Variants in RHBDD1 observed in about 807,000 individuals in gnomAD.
RHBDD1 encodes the protein rhomboid domain containing 1, also known as rhomboid-related protein 4.
In RHBDD1, 38 loss-of-function variants were observed where a neutral mutation model predicts 36.3. That is an observed-to-expected ratio of 1.05 (90% CI 0.81 to 1.37). RHBDD1 has a LOEUF of 1.37. RHBDD1 is among the 40% of genes most tolerant of loss of function. The pLI, the probability that RHBDD1 is intolerant of heterozygous loss-of-function variation, is 0.00. For missense variants in RHBDD1, 393 were observed against 377.6 expected (o/e 1.04, Z -0.34); for synonymous variants, 151 against 136.5 (o/e 1.11, Z -0.74).
chr2:226,869,334 A>G, intron 5 of RHBDD1: 1 of 252,382 alleles, frequency 4.0e-6, no homozygotes, highest in Non-Finnish European at 6.3e-6. Flanking sequence ...CTACTTACAC[A>G]TGTATCCAAA....
intron 8 of RHBDD1, among the ~76,000 whole-genome samples, chr2:226,947,862 A>G (rs1327180394): frequency 1.3e-5 from 2 of 152,214 alleles, no homozygotes; most frequent in African/African-American, 2.4e-5. Flanking sequence ...CAAAACCACT[A>G]TGAGATACCA....
the RHBDD1 span, among the ~76,000 whole-genome samples, chr2:226,800,381 A>T: frequency 1.4e-4 from 21 of 152,218 alleles, no homozygotes; most frequent in South Asian, 3.1e-3. Flanking sequence ...CCACCTTGGG[A>T]TCCCCAGATT....
intron 8 of RHBDD1, among the ~76,000 whole-genome samples, chr2:226,930,955 A>G (rs775191903): frequency 2.0e-5 from 3 of 151,874 alleles, no homozygotes; most frequent in Non-Finnish European, 4.4e-5. Context: ...CCTTACCCCA[A>G]CTGGAGTGGC....
intron 5 of RHBDD1, among the ~76,000 whole-genome samples, chr2:226,883,177 G>A (rs1945915114): frequency 6.6e-6 from 1 of 152,322 alleles, no homozygotes; most frequent in Middle Eastern, 3.4e-3. Flanking sequence ...ACATCTGCGT[G>A]TATTAACATT....
intron 3 of RHBDD1, among the ~76,000 whole-genome samples, chr2:226,857,642 T>C (rs1408475155): frequency 6.6e-6 from 1 of 152,198 alleles, no homozygotes; most frequent in East Asian, 1.9e-4. Flanking sequence ...GGATGAACTA[T>C]GAAATCATTA....
the RHBDD1 span, among the ~76,000 whole-genome samples, chr2:226,825,315 T>A: frequency 6.6e-6 from 1 of 151,804 alleles, no homozygotes; most frequent in African/African-American, 2.4e-5. Context: ...TAAAAAAAAA[T>A]TAAAAGGAAT....
intron 5 of RHBDD1, among the ~76,000 whole-genome samples, chr2:226,879,280 G>A (rs553908757): frequency 2.0e-5 from 3 of 152,166 alleles, no homozygotes; most frequent in African/African-American, 7.2e-5. Context: ...TTAAATATGT[G>A]TGTGGGATCA....
At chr2:226,948,576 A>C (rs199513282) in intron 8 of RHBDD1, among the ~76,000 whole-genome samples, 8 of 137,566 alleles carry the variant, frequency 5.8e-5, no homozygotes, top group Non-Finnish European at 1.2e-4. Context: ...AAAAAAAAAA[A>C]AAAAAAAAAC....
chr2:226,874,019 G>A (rs1423279011), intron 5 of RHBDD1, among the ~76,000 whole-genome samples: 3 of 152,118 alleles, frequency 2.0e-5, no homozygotes, highest in Admixed American at 6.5e-5. Flanking sequence ...CATGGTGGCA[G>A]GTGTAAGAGA....
intron 5 of RHBDD1, among the ~76,000 whole-genome samples, chr2:226,893,102 G>A (rs1004962116): frequency 2.6e-5 from 4 of 152,142 alleles, no homozygotes; most frequent in Non-Finnish European, 1.5e-5. Context: ...TCTTCTTCAT[G>A]TGTCTGTATG....
At chr2:226,960,738 A>T (rs1338241601) in intron 8 of RHBDD1, among the ~76,000 whole-genome samples, 4 of 152,210 alleles carry the variant, frequency 2.6e-5, no homozygotes, top group Non-Finnish European at 5.9e-5. Flanking sequence ...TTCAGAAATA[A>T]GATGTTTGAG....
intron 5 of RHBDD1, among the ~76,000 whole-genome samples, chr2:226,882,673 C>G (rs978099997): frequency 1.3e-5 from 2 of 151,614 alleles, no homozygotes; most frequent in African/African-American, 4.8e-5. Flanking sequence ...CTAATTTTTA[C>G]CTAATGTCTT....
At chr2:226,995,319 T>G in intron 8 of RHBDD1, 112 bp from the exon 9 acceptor site, 1 of 686,970 alleles carries the variant, frequency 1.5e-6, no homozygotes, top group Non-Finnish European at 2.6e-6. Context: ...TTCTGTTTTG[T>G]GTTAAAATGA....
intron 8 of RHBDD1, 81 bp downstream of exon 8, chr2:226,914,432 A>G (rs1478761559): frequency 4.8e-6 from 7 of 1,467,166 alleles, no homozygotes; most frequent in Middle Eastern, 1.8e-4. Context: ...TTTGTAGCAA[A>G]TTAAATTTTA....
intron 8 of RHBDD1, among the ~76,000 whole-genome samples, chr2:226,978,049 C>CCTTTAGAT (rs1954912591): frequency 6.6e-6 from 1 of 152,118 alleles, no homozygotes; most frequent in African/African-American, 2.4e-5. Context: ...GGTGTAGTGT[C>CCTTTAGAT]CTCACTGGAG....
chr2:226,855,386 A>C (rs1943223574), intron 3 of RHBDD1, among the ~76,000 whole-genome samples: 1 of 152,224 alleles, frequency 6.6e-6, no homozygotes, highest in Non-Finnish European at 1.5e-5. Context: ...ACTTGCATGT[A>C]GTCCCAGCTT....
intron 8 of RHBDD1, among the ~76,000 whole-genome samples, chr2:226,986,100 T>C (rs1484527529): frequency 6.6e-6 from 1 of 152,180 alleles, no homozygotes; most frequent in Non-Finnish European, 1.5e-5. Context: ...AGTCTAACCA[T>C]GAGGACAAAT....
chr2:226,839,280 C>G (rs1012668849), intron 2 of RHBDD1, 129 bp from the exon 3 acceptor site: 2 of 151,992 alleles, frequency 1.3e-5, no homozygotes, highest in Non-Finnish European at 2.9e-5. Flanking sequence ...AAATTAGATA[C>G]GTACATGTAT....
the RHBDD1 span, among the ~76,000 whole-genome samples, chr2:226,801,247 A>G: frequency 6.6e-6 from 1 of 152,072 alleles, no homozygotes; most frequent in Non-Finnish European, 1.5e-5. Context: ...AATGCGGCTG[A>G]GGGGCGGAGC....
Sources: gnomAD v4.1 joint callset for allele counts (sites outside exome capture counted in the v4.1 genomes callset) on GRCh38, gnomAD v4.1.1 for gene constraint, MANE v1.5 for transcripts, NCBI Gene and HGNC (gene_info 2026-07-23, HGNC 2026-07-21) for gene names.